PHF24: variants seen among roughly 807,000 people sequenced by gnomAD.
The protein encoded by PHF24 is PHD finger protein 24.
PHF24 carries 25 observed loss-of-function variants against 42.6 expected under a neutral mutation model. The ratio of observed to expected loss-of-function variants is 0.59; its 90% confidence interval spans 0.43 to 0.82. The LOEUF is 0.82. PHF24 is among the 40% of genes least tolerant of loss of function. PHF24 has a pLI of 0.00. For missense variants in PHF24, 470 were observed against 538.1 expected (o/e 0.87, Z 1.25); for synonymous variants, 185 against 204.8 (o/e 0.90, Z 0.83).
chr9:34,707,920 C>T, the PHF24 span, among the ~76,000 whole-genome samples: 6 of 152,136 alleles, frequency 3.9e-5, no homozygotes, highest in Admixed American at 6.5e-5. Flanking sequence ...TTAGTAGAGA[C>T]GGGGTTTCAC....
chr9:34,823,699 C>G, the PHF24 span, among the ~76,000 whole-genome samples: 3 of 152,084 alleles, frequency 2.0e-5, no homozygotes, highest in African/African-American at 7.2e-5. Context: ...AAAACTAGGT[C>G]AGAAAACAGC....
chr9:34,864,956 C>T, the PHF24 span, among the ~76,000 whole-genome samples: 1 of 151,590 alleles, frequency 6.6e-6, no homozygotes, highest in Non-Finnish European at 1.5e-5. Flanking sequence ...GCAGGCAGAT[C>T]ACGAGGTCAA....
the PHF24 span, chr9:34,666,086 AG>A: frequency 4.3e-6 from 1 of 230,124 alleles, no homozygotes; most frequent in Non-Finnish European, 8.8e-6. Flanking sequence ...GTTGCGCACT[AG>A]GTTTGCCTGT....
At chr9:34,776,702 T>C in the PHF24 span, among the ~76,000 whole-genome samples, 1 of 152,240 alleles carries the variant, frequency 6.6e-6, no homozygotes, top group Non-Finnish European at 1.5e-5. Context: ...GTGAATTTCT[T>C]TTTAATCATG....
the PHF24 span, among the ~76,000 whole-genome samples, chr9:34,666,670 G>A: frequency 6.6e-6 from 1 of 151,840 alleles, no homozygotes; most frequent in Non-Finnish European, 1.5e-5. Context: ...ACAGGTGGCC[G>A]GGCACGGTGG....
chr9:34,772,537 A>C, the PHF24 span, among the ~76,000 whole-genome samples: 25 of 152,394 alleles, frequency 1.6e-4, no homozygotes, highest in Non-Finnish European at 3.1e-4. Context: ...TTAAAGAAGA[A>C]TGAATAAAAA....
the PHF24 span, among the ~76,000 whole-genome samples, chr9:34,885,682 C>T: frequency 6.6e-6 from 1 of 152,130 alleles, no homozygotes; most frequent in African/African-American, 2.4e-5. Flanking sequence ...TAGGAAGCCA[C>T]CCCTGCCCTG....
the PHF24 span, chr9:34,723,049 T>C: frequency 1.4e-6 from 1 of 737,998 alleles, no homozygotes; most frequent in Non-Finnish European, 2.1e-6. Context: ...AGACAGACAA[T>C]GTATTGCTGA....
upstream of PHF24, among the ~76,000 whole-genome samples, chr9:34,955,039 G>C (rs143629901): frequency 1.4e-4 from 22 of 152,294 alleles, no homozygotes; most frequent in African/African-American, 5.3e-4. Flanking sequence ...CGACAGCACA[G>C]CTTCGCTGCT....
the PHF24 span, among the ~76,000 whole-genome samples, chr9:34,801,823 A>T: frequency 2.7e-5 from 4 of 147,310 alleles, no homozygotes; most frequent in African/African-American, 1.0e-4. Context: ...AAAACCAAAC[A>T]CTGCATGTTC....
chr9:34,894,698 G>C, the PHF24 span, among the ~76,000 whole-genome samples: 1 of 152,214 alleles, frequency 6.6e-6, no homozygotes, highest in East Asian at 1.9e-4. Context: ...CCATCACACT[G>C]GGAGTGAGGA....
At chr9:34,755,078 G>A in the PHF24 span, among the ~76,000 whole-genome samples, 1 of 152,188 alleles carries the variant, frequency 6.6e-6, no homozygotes, top group African/African-American at 2.4e-5. Context: ...TGGAGGGTTG[G>A]GGGGAAGTAG....
At chr9:34,691,407 T>G in the PHF24 span, 1 of 464,870 alleles carries the variant, frequency 2.2e-6, no homozygotes, top group Non-Finnish European at 3.9e-6. Context: ...CTGCCCCCCT[T>G]CTTCCCCCTG....
At chr9:34,855,252 T>TG in the PHF24 span, among the ~76,000 whole-genome samples, 1 of 152,224 alleles carries the variant, frequency 6.6e-6, no homozygotes. Context: ...ATCTTTTAAT[T>TG]GGGGCATTTA....
chr9:34,736,934 T>A, the PHF24 span, among the ~76,000 whole-genome samples: 43,900 of 152,070 alleles, frequency 0.29, 6,796 homozygotes, highest in Admixed American at 0.35. Flanking sequence ...GAGATAAATA[T>A]GTTTTTCAGG....
chr9:34,730,624 C>G, the PHF24 span, among the ~76,000 whole-genome samples: 1 of 152,210 alleles, frequency 6.6e-6, no homozygotes, highest in African/African-American at 2.4e-5. Context: ...CTAATTCATA[C>G]AAAGCAAGAG....
the PHF24 span, among the ~76,000 whole-genome samples, chr9:34,932,630 GATA>G: frequency 2.0e-5 from 3 of 152,018 alleles, no homozygotes; most frequent in African/African-American, 7.2e-5. Context: ...TGAAATTATG[GATA>G]ATTTTTCTAT....
chr9:34,740,881 T>C, the PHF24 span, among the ~76,000 whole-genome samples: 1 of 151,656 alleles, frequency 6.6e-6, no homozygotes, highest in Non-Finnish European at 1.5e-5. Context: ...CCTCTCTTTC[T>C]CTCTCTCTCT....
At chr9:34,981,363 G>C (rs1162883735) in exon 8 of PHF24, 5 of 152,222 alleles carry the variant, frequency 3.3e-5, no homozygotes, top group Non-Finnish European at 7.3e-5. Context: ...CACCTCCTTG[G>C]GGGAGTGAGC....
Sources: gnomAD v4.1 joint callset for allele counts (sites outside exome capture counted in the v4.1 genomes callset) on GRCh38, gnomAD v4.1.1 for gene constraint, MANE v1.5 for transcripts, NCBI Gene and HGNC (gene_info 2026-07-23, HGNC 2026-07-21) for gene names.